PLXNC1: variants seen among roughly 807,000 people sequenced by gnomAD.
PLXNC1 encodes the protein plexin C1.
PLXNC1 carries 75 observed loss-of-function variants against 178.2 expected under a neutral mutation model. The ratio of observed to expected loss-of-function variants is 0.42; its 90% CI spans 0.35 to 0.51. PLXNC1 has a LOEUF of 0.51. Ranked by LOEUF, PLXNC1 falls within the 20% of genes least tolerant of loss-of-function variation. The pLI, the probability that PLXNC1 is intolerant of heterozygous loss-of-function variation, is 0.02. For missense variants in PLXNC1, 1,503 were observed against 1,984.4 expected, an observed-to-expected ratio of 0.76 and a Z score of 4.61; for synonymous variants, 790 against 779.9, an observed-to-expected ratio of 1.01 and a Z score of -0.22.
At chr12:94,253,872 T>G (rs1964769015) in intron 15 of PLXNC1, among the ~76,000 whole-genome samples, 1 of 152,022 alleles carries the variant, frequency 6.6e-6, no homozygotes, top group East Asian at 1.9e-4. Context: ...CAGAAAAATA[T>G]CTTTCTCTGT....
At chr12:94,259,878 C>T in intron 19 of PLXNC1, 144 bp downstream of exon 19, 1 of 422,204 alleles carries the variant, frequency 2.4e-6, no homozygotes, top group East Asian at 3.8e-5. Flanking sequence ...GCCTGACCAA[C>T]ACAGCAAAAC....
At position 94,169,188 on chromosome 12, in the gene PLXNC1, C is replaced by T. The variant is rs141950146; in HGVS notation, c.1098C>T (p.Ile366=). The T allele has an allele frequency of 8.7e-6, 14 of 1,613,550 alleles. No homozygotes were observed. Among genetic ancestry groups the T allele is most frequent in the South Asian group, 2.2e-5 (2 of 91,054 alleles). Residue 366 remains isoleucine, a synonymous_variant, in exon 2 of 31, where the codon ATC becomes ATT. Coordinates refer to ENST00000258526, the MANE Select transcript of PLXNC1 (RefSeq NM_005761.3). ...EGDQPERVQP[I]ASSTLIHSDL... is the part of the protein sequence containing the mutation. Reference sequence around the variant, plus strand: ...ATCAACCTGAAAGAGTCCAACCAATCGCATCATCTACCTTGATCCATTCCG... The same window carrying T: ...ATCAACCTGAAAGAGTCCAACCAATTGCATCATCTACCTTGATCCATTCCG...
chr12:94,226,684 C>G lies in PLXNC1; in HGVS notation c.1870C>G (p.Pro624Ala). 6.2e-7 allele frequency: 1 copy of G among 1,612,690 alleles called. No individual in the cohort carries two copies. The highest frequency in any genetic ancestry group is 8.5e-7 in the Non-Finnish European group (1 of 1,178,822). The change falls in exon 8 of 31, where the codon CCT (proline) becomes GCT (alanine). Residue 624 changes from proline to alanine, a missense_variant. Physicochemically the swap from Pro to Ala is conservative, Grantham distance 27 (BLOSUM62 -1). Around this residue, in one of 4 missense-constraint regions of PLXNC1, gnomAD observed 615 missense variants for 698.6 expected, o/e 0.88. Transcript: ENST00000258526. ...TATCCACCCCTTCACAGCTTGCGAC[C>G]CTTCTGATTATGAGAGAAACCAGGT... ...RCIHPFTACD[P>A]SDYERNQEQC...
At chr12:94,157,201 A>T (rs906139950) in intron 1 of PLXNC1, among the ~76,000 whole-genome samples, 1 of 152,208 alleles carries the variant, frequency 6.6e-6, no homozygotes, top group African/African-American at 2.4e-5. Context: ...CGACTAGAAG[A>T]GGATCAAACA....
chr12:94,270,068 G>A (rs1312532838), intron 21 of PLXNC1, among the ~76,000 whole-genome samples: 1 of 152,118 alleles, frequency 6.6e-6, no homozygotes, highest in East Asian at 1.9e-4. Context: ...ACTCTATTAT[G>A]TTATTGTTAG....
At chr12:94,199,135 G>A (rs1235679857) in intron 4 of PLXNC1, among the ~76,000 whole-genome samples, 1 of 152,206 alleles carries the variant, frequency 6.6e-6, no homozygotes, top group African/African-American at 2.4e-5. Flanking sequence ...AGTGAGAAGG[G>A]GCATCTGAGC....
chr12:94,292,360 A>C (rs773012809), intron 23 of PLXNC1, among the ~76,000 whole-genome samples: 2 of 152,226 alleles, frequency 1.3e-5, no homozygotes, highest in South Asian at 2.1e-4. Flanking sequence ...TTATATCTTG[A>C]TAAAGGTGGT....
In PLXNC1 at chr12:94,237,731, C is replaced by T. The variant is rs747710169; in HGVS notation, c.2048C>T (p.Thr683Met). The T allele has an allele frequency of 4.6e-5, 74 of 1,613,592 alleles. No homozygotes were observed. Among genetic ancestry groups the T allele is most frequent in the Middle Eastern group, 3.3e-4 (2 of 6,084 alleles). The change falls in exon 10 of 31, where the codon ACG becomes ATG. Residue 683 changes from threonine to methionine, a missense_variant. Thr to Met is a moderately conservative substitution (Grantham distance 81, BLOSUM62 -1). Transcript: ENST00000258526. ...TTAGGGAAAAGCAACGTGATAGTAA[C>T]GGGAGCAAACTTTACCCGGGCATCG... ...STLGKSNVIV[T>M]GANFTRASNI...
At position 94,180,862 on chromosome 12, in the gene PLXNC1, C is replaced by T. The variant is rs75764530; in HGVS notation, c.1204-584C>T. 6.0e-3 allele frequency among the ~76,000 whole-genome samples: 907 copies of T among 152,272 alleles called. 13 individuals are homozygous for T. The highest frequency in any genetic ancestry group is 0.03 in the East Asian group (157 of 5,192). Reference sequence around the variant, plus strand: ...GCCAGACATGGTCAGAAATTGTGGTCAGCCAGCTTCCACATATGAGGATAC... The same window carrying T: ...GCCAGACATGGTCAGAAATTGTGGTTAGCCAGCTTCCACATATGAGGATAC... On this transcript the variant is annotated intron_variant, in intron 2 of 30. Transcript: ENST00000258526.
At position 94,279,528 on chromosome 12, in the gene PLXNC1, G is replaced by T. The variant is rs778187443; in HGVS notation, c.3654G>T (p.Arg1218=). Residue 1218 remains arginine (R), a synonymous_variant, in exon 22 of 31, where the codon CGG becomes CGT. Coordinates refer to ENST00000258526, the MANE Select transcript of PLXNC1 (RefSeq NM_005761.3). ...IPENESADVC[R]NISVNVLDCD... ...AAAACGAGAGTGCAGATGTCTGTCG[G>T]AATATTTCAGTCAATGTTCTCGACT... The T allele has an allele frequency of 5.6e-6, 9 of 1,614,188 alleles. No homozygotes were observed. The highest frequency in any genetic ancestry group is 7.6e-6 in the Non-Finnish European group (9 of 1,180,012).
At chr12:94,265,773 C>G (rs1342940532) in intron 21 of PLXNC1, among the ~76,000 whole-genome samples, 1 of 152,160 alleles carries the variant, frequency 6.6e-6, no homozygotes, top group Non-Finnish European at 1.5e-5. Context: ...CGCTGTAAAT[C>G]ACTACAGGAA....
chr12:94,240,494 T>C lies in PLXNC1; in HGVS notation c.2130T>C (p.Val710=). 6.2e-7 allele frequency: 1 copy of C among 1,613,486 alleles called. No individual in the cohort carries two copies. Among genetic ancestry groups the C allele is most frequent in the Non-Finnish European group, 8.5e-7 (1 of 1,179,460 alleles). Residue 710 remains valine (V), a synonymous_variant, in exon 11 of 31, where the codon GTT becomes GTC. Coordinates refer to ENST00000258526, the MANE Select transcript of PLXNC1 (RefSeq NM_005761.3). ...TSTCDKDVIQ[V]SHVLNDTHMK... is the part of the protein sequence containing the mutation. ...TTCTACTCTTTTCTAGGATACAGGT[T>C]AGCCATGTGCTAAATGACACCCACA...
chr12:94,226,548 T>C (rs1963944362), intron 7 of PLXNC1, 57 bp from the exon 8 acceptor site: 4 of 1,170,818 alleles, frequency 3.4e-6, no homozygotes, highest in Admixed American at 3.4e-5. Context: ...AGGGAAATTC[T>C]AGGATGTGAA....
chr12:94,179,544 C>G (rs1962226530), intron 2 of PLXNC1, among the ~76,000 whole-genome samples: 1 of 152,012 alleles, frequency 6.6e-6, no homozygotes, highest in African/African-American at 2.4e-5. Flanking sequence ...AGTTCAAGAC[C>G]AGCCTGGCCA....
At chr12:94,187,117 G>A (rs756787649) in intron 4 of PLXNC1, among the ~76,000 whole-genome samples, 4 of 152,146 alleles carry the variant, frequency 2.6e-5, no homozygotes, top group Non-Finnish European at 5.9e-5. Context: ...ACCCAGTACT[G>A]GGGCTCTTGC....
chr12:94,299,362 G>A (rs968382454), intron 27 of PLXNC1, among the ~76,000 whole-genome samples: 5 of 152,342 alleles, frequency 3.3e-5, no homozygotes, highest in African/African-American at 4.8e-5. Flanking sequence ...GAAATGCTGT[G>A]TGCATGGGCT....
chr12:94,186,570 C>T, intron 4 of PLXNC1, 97 bp downstream of exon 4: 2 of 736,194 alleles, frequency 2.7e-6, no homozygotes, highest in Non-Finnish European at 4.9e-6. Flanking sequence ...TTCCAGTGAC[C>T]TGAGGGAACT....
chr12:94,234,807 T>C (rs574724943), intron 9 of PLXNC1, among the ~76,000 whole-genome samples: 10 of 152,342 alleles, frequency 6.6e-5, no homozygotes, highest in Non-Finnish European at 5.9e-5. Context: ...GAATTAACTC[T>C]TGATGAAAAT....
chr12:94,270,784 A>C (rs536963776), intron 21 of PLXNC1, among the ~76,000 whole-genome samples: 37 of 151,676 alleles, frequency 2.4e-4, no homozygotes, highest in African/African-American at 8.0e-4. Context: ...TTTTAAATGG[A>C]AAAAGGCTCT....
Sources: allele counts gnomAD v4.1 joint callset (sites outside exome capture counted in the v4.1 genomes callset), GRCh38; gene constraint gnomAD v4.1.1; regional missense constraint gnomAD v4.1.1; transcripts MANE v1.5; gene names NCBI Gene and HGNC (gene_info 2026-07-23, HGNC 2026-07-21).